ENOX1: variants seen among roughly 807,000 people sequenced by gnomAD.
The protein encoded by ENOX1 is ecto-NOX disulfide-thiol exchanger 1, also known as candidate growth-related and time keeping constitutive hydroquinone (NADH) oxidase.
Under a neutral mutation model 82.5 loss-of-function variants are expected in ENOX1, and 42 were observed. The ratio of observed to expected loss-of-function variants is 0.51; its 90% CI spans 0.40 to 0.66. The LOEUF is 0.66. ENOX1 is among the 30% of genes least tolerant of loss of function. The pLI, the probability that ENOX1 is intolerant of heterozygous loss-of-function variation, is 0.00. For missense variants in ENOX1, 608 were observed against 811.6 expected, an observed-to-expected ratio of 0.75 and a Z score of 3.05; for synonymous variants, 271 against 282.2, an observed-to-expected ratio of 0.96 and a Z score of 0.40.
chr13:43,699,312 A>G (rs994497901), intron 1 of ENOX1, among the ~76,000 whole-genome samples: 1 of 152,184 alleles, frequency 6.6e-6, no homozygotes, highest in African/African-American at 2.4e-5. Context: ...TTGGTGCTCT[A>G]CAGAGGAACA....
At chr13:43,250,814 GTATGA>G (rs2043411488) in intron 14 of ENOX1, among the ~76,000 whole-genome samples, 2 of 152,204 alleles carry the variant, frequency 1.3e-5, no homozygotes, top group Non-Finnish European at 1.5e-5. Context: ...TTAAAATACA[GTATGA>G]TATAAGCCAT....
chr13:43,350,780 G>A (rs1056599555), intron 8 of ENOX1, among the ~76,000 whole-genome samples: 2 of 152,154 alleles, frequency 1.3e-5, no homozygotes, highest in Non-Finnish European at 2.9e-5. Context: ...TGCACAGGGA[G>A]AAGCAGCCCT....
chr13:43,556,121 A>G (rs1277875259), intron 2 of ENOX1, among the ~76,000 whole-genome samples: 1 of 152,194 alleles, frequency 6.6e-6, no homozygotes, highest in East Asian at 1.9e-4. Context: ...TCACTGTAAC[A>G]TGGGACGTAA....
rs140046025 is a variant in ENOX1 at position 43,405,959 on chromosome 13, C to A, written c.208+5957G>T. 1.7e-3 allele frequency among the ~76,000 whole-genome samples: 265 copies of A among 152,234 alleles called. 2 individuals carry two copies. Among genetic ancestry groups the A allele is most frequent in the African/African-American group, 5.8e-3 (241 of 41,550 alleles). On this transcript the variant is annotated intron_variant, in intron 5 of 16. Coordinates refer to ENST00000690772, the MANE Select transcript of ENOX1 (RefSeq NM_001347969.2). ...TTTGTTTTTGTGTATTTACTCTTTT[C>A]TGTTTCTCCCGCCACTCTAAAGCAT...
chr13:43,357,825 C>T (rs1460217184), intron 7 of ENOX1, among the ~76,000 whole-genome samples: 1 of 152,192 alleles, frequency 6.6e-6, no homozygotes, highest in Non-Finnish European at 1.5e-5. Context: ...ATTAGACAGG[C>T]CTTCCAGCTG....
At chr13:43,626,416 A>T (rs1451050168) in intron 2 of ENOX1, among the ~76,000 whole-genome samples, 1 of 151,492 alleles carries the variant, frequency 6.6e-6, no homozygotes, top group East Asian at 1.9e-4. Context: ...TTAATTCAAG[A>T]TTATTTCCTC....
chr13:43,528,667 G>A (rs1392768327), intron 2 of ENOX1, among the ~76,000 whole-genome samples: 2 of 151,964 alleles, frequency 1.3e-5, no homozygotes, highest in Non-Finnish European at 2.9e-5. Context: ...TTCATAGAAG[G>A]TTTTGTACCT....
At chr13:43,252,139 C>G (rs780290552) in intron 14 of ENOX1, among the ~76,000 whole-genome samples, 1 of 152,194 alleles carries the variant, frequency 6.6e-6, no homozygotes, top group Non-Finnish European at 1.5e-5. Context: ...GTACACTGAA[C>G]AGTCTGGAAA....
chr13:43,321,460 CAG>C (rs2047804264), intron 11 of ENOX1, among the ~76,000 whole-genome samples: 1 of 152,204 alleles, frequency 6.6e-6, no homozygotes, highest in Non-Finnish European at 1.5e-5. Context: ...CCTGGAGAAA[CAG>C]AGCATCCTGA....
intron 1 of ENOX1, among the ~76,000 whole-genome samples, chr13:43,687,713 A>C (rs577974519): frequency 1.3e-5 from 2 of 152,272 alleles, no homozygotes; most frequent in East Asian, 3.9e-4. Flanking sequence ...GACTCAGTAC[A>C]TCCGTGGCCC....
At chr13:43,395,712 T>C (rs536498304) in intron 5 of ENOX1, among the ~76,000 whole-genome samples, 1 of 152,322 alleles carries the variant, frequency 6.6e-6, no homozygotes, top group East Asian at 1.9e-4. Context: ...TTCTCATGAA[T>C]GTGATCCGAA....
intron 8 of ENOX1, among the ~76,000 whole-genome samples, chr13:43,348,701 T>C (rs2049559134): frequency 1.3e-5 from 2 of 152,198 alleles, no homozygotes; most frequent in African/African-American, 4.8e-5. Flanking sequence ...GCCACCTGGG[T>C]TATCAGATCC....
intron 1 of ENOX1, among the ~76,000 whole-genome samples, chr13:43,766,509 C>T (rs9634783): frequency 0.025 from 3,753 of 152,288 alleles, 234 homozygotes; most frequent in East Asian, 0.15. Context: ...GCACCACAAT[C>T]GTCCCAGCCT....
At position 43,409,932 on chromosome 13, in the gene ENOX1, G is replaced by A. The variant is rs141017919; in HGVS notation, c.208+1984C>T. On this transcript the variant is annotated intron_variant, in intron 5 of 16. Coordinates refer to ENST00000690772, the MANE Select transcript of ENOX1 (RefSeq NM_001347969.2). Reference sequence around the variant, plus strand: ...CAAAGTGCAGTTAAATTATCAGGCCGTGTAAATGATGAAGGGAAGCCCAGA... The same window carrying A: ...CAAAGTGCAGTTAAATTATCAGGCCATGTAAATGATGAAGGGAAGCCCAGA... 1.1e-3 allele frequency among the ~76,000 whole-genome samples: 169 copies of A among 152,278 alleles called. 1 individual carries two copies. The highest frequency in any genetic ancestry group is 3.9e-3 in the African/African-American group (160 of 41,552).
intron 1 of ENOX1, among the ~76,000 whole-genome samples, chr13:43,698,338 G>GTAAAAA (rs1195663209): frequency 6.1e-4 from 92 of 152,026 alleles, no homozygotes; most frequent in Non-Finnish European, 1.1e-3. Context: ...ATCTTGACCT[G>GTAAAAA]GAAGCTACAG....
intron 8 of ENOX1, 52 bp from the exon 9 acceptor site, chr13:43,344,802 C>T (rs769701691): frequency 6.4e-7 from 1 of 1,555,850 alleles, no homozygotes; most frequent in Non-Finnish European, 8.9e-7. Flanking sequence ...AGAAAATACA[C>T]TTTATTCTTG....
intron 2 of ENOX1, among the ~76,000 whole-genome samples, chr13:43,657,003 A>T (rs1372537730): frequency 6.6e-6 from 1 of 152,224 alleles, no homozygotes; most frequent in Non-Finnish European, 1.5e-5. Flanking sequence ...TATTCCTTTT[A>T]TCTTAATCCT....
intron 11 of ENOX1, among the ~76,000 whole-genome samples, chr13:43,316,528 T>C (rs1399349213): frequency 6.6e-6 from 1 of 152,132 alleles, no homozygotes; most frequent in Non-Finnish European, 1.5e-5. Context: ...AAACACAGTC[T>C]GGTTGGGCAG....
chr13:43,608,986 A>G (rs1261593147), intron 2 of ENOX1, among the ~76,000 whole-genome samples: 1 of 152,190 alleles, frequency 6.6e-6, no homozygotes, highest in African/African-American at 2.4e-5. Context: ...AAGCTCTGCC[A>G]GTTATTCTGC....
Sources: allele counts gnomAD v4.1 joint callset (sites outside exome capture counted in the v4.1 genomes callset), GRCh38; gene constraint gnomAD v4.1.1; transcripts MANE v1.5; gene names NCBI Gene and HGNC (gene_info 2026-07-23, HGNC 2026-07-21).